Variants in CTNNA3 observed in about 807,000 individuals in gnomAD.
The protein encoded by CTNNA3 is catenin alpha-3.
Under a neutral mutation model 95.7 loss-of-function variants are expected in CTNNA3, and 76 were observed. That is an observed-to-expected ratio of 0.79 (90% CI 0.66 to 0.96). CTNNA3 has a LOEUF of 0.96. Ranked by LOEUF, CTNNA3 falls within the 40% of genes least tolerant of loss-of-function variation. The probability of loss-of-function intolerance (pLI) is 0.00; values close to 1 mark genes in which losing one functional copy is unlikely to be tolerated. For missense variants in CTNNA3, 1,191 were observed against 1,089.8 expected (o/e 1.09, Z -1.31); for synonymous variants, 431 against 374.4 (o/e 1.15, Z -1.74).
intron 5 of CTNNA3, among the ~76,000 whole-genome samples, chr10:67,230,250 G>A (rs1196914505): frequency 6.6e-6 from 1 of 152,154 alleles, no homozygotes; most frequent in Non-Finnish European, 1.5e-5. Context: ...AAATGGTGCT[G>A]GGATAACTGA....
intron 13 of CTNNA3, among the ~76,000 whole-genome samples, chr10:66,136,681 T>C (rs2083370972): frequency 6.6e-6 from 1 of 151,794 alleles, no homozygotes; most frequent in Admixed American, 6.6e-5. Flanking sequence ...CAGCTATTAA[T>C]GTGACATCAC....
intron 17 of CTNNA3, among the ~76,000 whole-genome samples, chr10:65,930,214 A>AC (rs1564522047): frequency 6.6e-6 from 1 of 150,904 alleles, no homozygotes; most frequent in African/African-American, 2.4e-5. Context: ...AAAAAAAAAA[A>AC]AAAAAAAAAA....
chr10:66,268,852 A>C (rs563867871), intron 13 of CTNNA3, among the ~76,000 whole-genome samples: 1 of 152,306 alleles, frequency 6.6e-6, no homozygotes, highest in South Asian at 2.1e-4. Flanking sequence ...CTGCAGTGAC[A>C]TGGAGGCCAG....
At chr10:66,974,169 G>A (rs555856226) in intron 7 of CTNNA3, among the ~76,000 whole-genome samples, 1 of 152,070 alleles carries the variant, frequency 6.6e-6, no homozygotes, top group South Asian at 2.1e-4. Context: ...TTTCGAGCTT[G>A]ATACGAATGA....
chr10:67,025,671 G>A (rs1390061925), intron 7 of CTNNA3, among the ~76,000 whole-genome samples: 1 of 151,966 alleles, frequency 6.6e-6, no homozygotes, highest in African/African-American at 2.4e-5. Flanking sequence ...TACTATATAA[G>A]TACTATATCA....
intron 12 of CTNNA3, among the ~76,000 whole-genome samples, chr10:66,335,756 C>T (rs2092387559): frequency 1.3e-5 from 2 of 152,144 alleles, no homozygotes; most frequent in Admixed American, 1.3e-4. Context: ...CTCTTTAAAC[C>T]TGTCAGACAG....
At chr10:66,628,675 G>A (rs1845025224) in intron 9 of CTNNA3, among the ~76,000 whole-genome samples, 1 of 152,098 alleles carries the variant, frequency 6.6e-6, no homozygotes, top group South Asian at 2.1e-4. Context: ...GAAGAAGCAT[G>A]AAGAAGGAAA....
intron 5 of CTNNA3, among the ~76,000 whole-genome samples, chr10:67,409,387 A>G (rs1370450806): frequency 2.0e-5 from 3 of 152,220 alleles, no homozygotes; most frequent in Admixed American, 6.5e-5. Flanking sequence ...CACATACACT[A>G]TGGAATACTA....
intron 2 of CTNNA3, among the ~76,000 whole-genome samples, chr10:67,629,447 T>C (rs893443740): frequency 3.3e-5 from 5 of 152,178 alleles, no homozygotes; most frequent in African/African-American, 1.2e-4. Flanking sequence ...ACACGGCAGA[T>C]ACGCTGGTTT....
chr10:66,694,901 A>G (rs1440566879), intron 9 of CTNNA3, among the ~76,000 whole-genome samples: 7 of 152,326 alleles, frequency 4.6e-5, no homozygotes, highest in African/African-American at 2.4e-5. Flanking sequence ...CTCAGAAATT[A>G]TACTAAATTT....
intron 6 of CTNNA3, among the ~76,000 whole-genome samples, chr10:67,213,659 A>T (rs1462280584): frequency 6.6e-6 from 1 of 151,740 alleles, no homozygotes; most frequent in Non-Finnish European, 1.5e-5. Flanking sequence ...TTTCTCAGTT[A>T]TAAGTATTTT....
At chr10:67,141,097 C>T (rs1860536668) in intron 7 of CTNNA3, among the ~76,000 whole-genome samples, 1 of 152,170 alleles carries the variant, frequency 6.6e-6, no homozygotes, top group Non-Finnish European at 1.5e-5. Context: ...GGCATGCTCC[C>T]TTGCCGTCTC....
At chr10:65,979,390 AG>A (rs2133296719) in intron 16 of CTNNA3, among the ~76,000 whole-genome samples, 1 of 152,268 alleles carries the variant, frequency 6.6e-6, no homozygotes, top group South Asian at 2.1e-4. Flanking sequence ...ATAACTCAAA[AG>A]TGTCACCCTC....
chr10:67,181,551 C>T (rs1166736557), intron 6 of CTNNA3, among the ~76,000 whole-genome samples: 3 of 152,058 alleles, frequency 2.0e-5, no homozygotes, highest in East Asian at 1.9e-4. Context: ...TGAATCTACA[C>T]ACAAACACAC....
chr10:66,206,302 A>C (rs7077814), intron 13 of CTNNA3, among the ~76,000 whole-genome samples: 1 of 151,702 alleles, frequency 6.6e-6, no homozygotes, highest in Non-Finnish European at 1.5e-5. Flanking sequence ...ACTATTGGAC[A>C]TAATTTCAAA....
intron 5 of CTNNA3, among the ~76,000 whole-genome samples, chr10:67,511,452 T>G (rs373474722): frequency 6.6e-6 from 1 of 152,226 alleles, no homozygotes; most frequent in South Asian, 2.1e-4. Flanking sequence ...ATTGAGATAA[T>G]CATGTGGTTT....
intron 10 of CTNNA3, among the ~76,000 whole-genome samples, chr10:66,601,767 A>C (rs1843934149): frequency 6.6e-6 from 1 of 151,840 alleles, no homozygotes; most frequent in Non-Finnish European, 1.5e-5. Flanking sequence ...ATTGGTGTAC[A>C]TATAATAGAC....
chr10:67,213,708 T>C (rs1466005371), intron 6 of CTNNA3, among the ~76,000 whole-genome samples: 2 of 151,838 alleles, frequency 1.3e-5, no homozygotes, highest in Non-Finnish European at 3.0e-5. Context: ...CCAGTAGTTA[T>C]ACAGATATGG....
intron 13 of CTNNA3, among the ~76,000 whole-genome samples, chr10:66,269,412 A>G (rs2091228954): frequency 1.3e-5 from 2 of 152,168 alleles, no homozygotes; most frequent in Non-Finnish European, 2.9e-5. Context: ...TTAGAGACAA[A>G]AGAAGATATA....
Sources: allele counts gnomAD v4.1 joint callset (sites outside exome capture counted in the v4.1 genomes callset), GRCh38; gene constraint gnomAD v4.1.1; transcripts MANE v1.5; gene names NCBI Gene and HGNC (gene_info 2026-07-23, HGNC 2026-07-21).